The following EFTUD2 variants were observed in gnomAD, a reference collection of about 807,000 sequenced individuals.
EFTUD2 encodes the protein 116 kDa U5 small nuclear ribonucleoprotein component.
Under a neutral mutation model 114.3 loss-of-function variants are expected in EFTUD2, and 9 were observed. The ratio of observed to expected loss-of-function variants is 0.08; its 90% confidence interval spans 0.05 to 0.14. The LOEUF is 0.14. Ranked by LOEUF, EFTUD2 falls within the 10% of genes least tolerant of loss-of-function variation. The probability of loss-of-function intolerance (pLI) is 1.00; values close to 1 mark genes in which losing one functional copy is unlikely to be tolerated. For missense variants in EFTUD2, 765 were observed against 1,241.2 expected, an observed-to-expected ratio of 0.62 and a Z score of 5.76; for synonymous variants, 449 against 462.3, an observed-to-expected ratio of 0.97 and a Z score of 0.37.
rs539442531 is a variant in EFTUD2, at chr17:44,870,552, T to C, written c.994+1894A>G. Among the ~76,000 whole-genome samples, 10 of 152,318 alleles carry C rather than the reference T, an allele frequency of 6.6e-5. No individual in the cohort carries two copies. In the South Asian group the frequency reaches 2.1e-3, roughly 32 times the overall value. ...TATACATGGATTTTTCTCCTGCCTC[T>C]GCCACCTGAGACACCAAGACCAATG... is the stretch of plus-strand genomic sequence containing the variant. On this transcript the variant is annotated intron_variant, in intron 11 of 27. Coordinates refer to ENST00000426333, the MANE Select transcript of EFTUD2 (RefSeq NM_004247.4).
At chr17:44,860,190 A>C in intron 17 of EFTUD2, 145 bp from the exon 18 acceptor site, 2 of 1,138,014 alleles carry the variant, frequency 1.8e-6, no homozygotes, top group Non-Finnish European at 2.5e-6. Context: ...GGGTAACCTG[A>C]AGGGCCATTT....
At chr17:44,890,624 G>A (rs1050817528) in intron 2 of EFTUD2, among the ~76,000 whole-genome samples, 8 of 148,734 alleles carry the variant, frequency 5.4e-5, no homozygotes, top group African/African-American at 1.7e-4. Context: ...CCCGGGAGGT[G>A]GAGGTTACAG....
chr17:44,884,440 AC>A (rs1438579544), intron 4 of EFTUD2, among the ~76,000 whole-genome samples: 1 of 150,824 alleles, frequency 6.6e-6, no homozygotes, highest in Admixed American at 6.6e-5. Context: ...AATCACTTGA[AC>A]CTGGAAGGTG....
intron 11 of EFTUD2, among the ~76,000 whole-genome samples, chr17:44,869,784 G>A (rs1218662058): frequency 1.3e-5 from 2 of 152,110 alleles, no homozygotes; most frequent in Non-Finnish European, 2.9e-5. Context: ...CATTGAGGCT[G>A]AGCCCTACCC....
intron 1 of EFTUD2, chr17:44,899,009 A>C (rs1045096907): frequency 1.3e-5 from 2 of 152,282 alleles, no homozygotes; most frequent in African/African-American, 4.8e-5. Flanking sequence ...GCAGGAGCTC[A>C]GAGGACTTCG....
chr17:44,860,225 AAG>A, intron 17 of EFTUD2, 180 bp from the exon 18 acceptor site: 1 of 870,786 alleles, frequency 1.1e-6, no homozygotes. Context: ...TGGCAGAACA[AAG>A]AGAGGAGGAA....
chr17:44,897,308 C>T (rs2051407719), intron 1 of EFTUD2, among the ~76,000 whole-genome samples: 1 of 151,952 alleles, frequency 6.6e-6, no homozygotes, highest in Non-Finnish European at 1.5e-5. Context: ...TCATGAGAAC[C>T]CTGTGTTCCA....
intron 13 of EFTUD2, among the ~76,000 whole-genome samples, chr17:44,867,297 AT>A (rs3058538): frequency 0.034 from 4,108 of 121,226 alleles, 110 homozygotes; most frequent in African/African-American, 0.12. Context: ...CTTTCCTTTG[AT>A]TTTTTTTTTT....
rs528299306 is a variant in EFTUD2, at chr17:44,857,920, C to CTTTTT, written c.1963-768_1963-764dup. 4.3e-4 allele frequency among the ~76,000 whole-genome samples: 55 copies of CTTTTT among 127,510 alleles called. 4 individuals are homozygous for CTTTTT. The highest frequency in any genetic ancestry group is 6.8e-4 in the Non-Finnish European group (42 of 61,314). 83.7% of individuals were successfully genotyped at this position (127,510 alleles called of 152,430 possible). A position where few individuals can be genotyped will look rare whatever the true frequency, so the allele number is the denominator to read the frequency against. Reference sequence around the variant, plus strand: ...CTTGGGAGCCTTTATTTTCTTTTTCCTTTTTTTTTTTTTTTTTTTGAGACA... The same window carrying CTTTTT: ...CTTGGGAGCCTTTATTTTCTTTTTCCTTTTTTTTTTTTTTTTTTTTTTTTGAGACA... On this transcript the variant is annotated intron_variant, in intron 19 of 27. Transcript: ENST00000426333.
chr17:44,852,267 C>T, intron 26 of EFTUD2, 142 bp downstream of exon 26: 2 of 1,033,566 alleles, frequency 1.9e-6, no homozygotes, highest in Non-Finnish European at 1.4e-6. Context: ...TTCAAGTTGC[C>T]CTGAATATAT....
At chr17:44,880,942 C>T (rs1460931392) in intron 7 of EFTUD2, among the ~76,000 whole-genome samples, 1 of 151,594 alleles carries the variant, frequency 6.6e-6, no homozygotes, top group African/African-American at 2.4e-5. Flanking sequence ...ACATTAGAAA[C>T]AAAAACAATA....
intron 2 of EFTUD2, among the ~76,000 whole-genome samples, chr17:44,889,104 C>A (rs2051230106): frequency 6.6e-6 from 1 of 152,078 alleles, no homozygotes; most frequent in African/African-American, 2.4e-5. Flanking sequence ...ACCAGGGGTT[C>A]TCTGAAAGCC....
rs970017176 is a variant in EFTUD2, at chr17:44,854,137, G to A, written c.2347+132C>T. 7.8e-6 allele frequency: 11 copies of A among 1,413,566 alleles called. No individual in the cohort carries two copies. The Admixed American group carries it at 2.0e-4, about 26-fold the overall frequency. 87.6% of individuals were successfully genotyped at this position (1,413,566 alleles called of 1,614,324 possible). On this transcript the variant is annotated intron_variant, in intron 23 of 27. Coordinates refer to ENST00000426333, the MANE Select transcript of EFTUD2 (RefSeq NM_004247.4). This position sits in a 1 kb window ranked among gnomAD's most constrained non-coding sequence, Gnocchi z 4.3. ...AAGGAAAAGGGAAGAAGCTGGCCCA[G>A]GACTTGGGATGGTCCTGTGTACCCC... is the stretch of plus-strand genomic sequence containing the variant.
intron 16 of EFTUD2, 32 bp downstream of exon 16, chr17:44,862,681 A>C (rs762058073): frequency 5.0e-6 from 8 of 1,593,844 alleles, no homozygotes; most frequent in Non-Finnish European, 6.8e-6. Flanking sequence ...ATAGACACCA[A>C]GGCATACTCC....
intron 12 of EFTUD2, 61 bp downstream of exon 12, chr17:44,868,226 G>T: frequency 2.8e-6 from 4 of 1,416,298 alleles, no homozygotes; most frequent in African/African-American, 1.4e-5. Context: ...GAATTTCACT[G>T]TCCTCACTTA....
intron 11 of EFTUD2, among the ~76,000 whole-genome samples, chr17:44,870,594 C>T (rs552561888): frequency 2.0e-4 from 31 of 152,304 alleles, no homozygotes; most frequent in Middle Eastern, 3.4e-3. Context: ...CTTCCTTAGC[C>T]TGCTCAATGT....
At chr17:44,886,819 C>T (rs966444457) in intron 2 of EFTUD2, 69 bp from the exon 3 acceptor site, 57 of 1,539,860 alleles carry the variant, frequency 3.7e-5, no homozygotes, top group South Asian at 2.5e-4. Flanking sequence ...TGACTACCTC[C>T]GTGAGTGACA....
chr17:44,883,792 G>A (rs929392431), intron 4 of EFTUD2, 68 bp from the exon 5 acceptor site: 10 of 1,515,804 alleles, frequency 6.6e-6, no homozygotes, highest in Non-Finnish European at 8.2e-6. Context: ...TGGTGTAAAG[G>A]TGTTTCAGGT....
intron 16 of EFTUD2, among the ~76,000 whole-genome samples, chr17:44,860,773 T>C (rs945505701): frequency 6.6e-6 from 1 of 151,968 alleles, no homozygotes; most frequent in African/African-American, 2.4e-5. Flanking sequence ...CTAATTTTTG[T>C]ATTTTTGTAG....
Sources: gnomAD v4.1 joint callset for allele counts (sites outside exome capture counted in the v4.1 genomes callset) on GRCh38, gnomAD v4.1.1 for gene constraint, Gnocchi (gnomAD v3.1) non-coding constraint, MANE v1.5 for transcripts, NCBI Gene and HGNC (gene_info 2026-07-23, HGNC 2026-07-21) for gene names.